CDH23: variants seen among roughly 807,000 people sequenced by gnomAD.
CDH23 encodes the protein cadherin related 23.
CDH23 carries 189 observed loss-of-function variants against 317.1 expected under a neutral mutation model. The ratio of observed to expected loss-of-function variants is 0.60; its 90% CI spans 0.53 to 0.67. The LOEUF (loss-of-function observed/expected upper bound fraction) is 0.67, where lower values mean the gene tolerates loss of function less well. CDH23 is among the 30% of genes least tolerant of loss of function. CDH23 has a pLI of 0.00. For synonymous variants in CDH23, 1,839 were observed against 1,876.8 expected, an observed-to-expected ratio of 0.98 and a Z score of 0.52; for missense variants, 4,401 against 4,592.4, an observed-to-expected ratio of 0.96 and a Z score of 1.20.
At chr10:71,808,397 T>C (rs1369008398) in intron 60 of CDH23, among the ~76,000 whole-genome samples, 1 of 152,110 alleles carries the variant, frequency 6.6e-6, no homozygotes, top group Non-Finnish European at 1.5e-5. Flanking sequence ...CCATCCTGCT[T>C]TCATTCATCT....
At chr10:71,502,675 G>A (rs895094790) in intron 3 of CDH23, among the ~76,000 whole-genome samples, 1 of 152,176 alleles carries the variant, frequency 6.6e-6, no homozygotes, top group Non-Finnish European at 1.5e-5. Context: ...GGGAGGTTGA[G>A]GATGCATTGG....
Position 71,511,277 on chromosome 10 carries a change from G to A in CDH23, c.429+65G>A, listed in dbSNP as rs781195840. 8 of 1,401,152 alleles carry A rather than the reference G, an allele frequency of 5.7e-6. No homozygotes were observed. In the Middle Eastern group the frequency reaches 5.3e-4, roughly 93 times the overall value. 86.8% of individuals were successfully genotyped at this position (1,401,152 alleles called of 1,614,324 possible). On this transcript the variant is annotated intron_variant, in intron 6 of 69. Transcript: ENST00000224721. ...CTGCTGCTCCCCAGACCACCATGGTGTAGGTGAAGAGTCAGGTGGGGAGAG... is the reference window on the plus strand; with the variant it reads ...CTGCTGCTCCCCAGACCACCATGGTATAGGTGAAGAGTCAGGTGGGGAGAG...
intron 6 of CDH23, among the ~76,000 whole-genome samples, chr10:71,553,766 G>A (rs1356686825): frequency 1.3e-5 from 2 of 152,222 alleles, no homozygotes; most frequent in Admixed American, 6.5e-5. Context: ...ATGAATTTGG[G>A]GGCTGGGAGA....
chr10:71,458,532 A>G lies in CDH23; in HGVS notation c.145+12137A>G, dbSNP rs76798461. Reference sequence around the variant, plus strand: ...CTAATGAAAGAGCTTTAGAAGTGAAATAGCTGTACAAATGGTGGACATTGT... The same window carrying G: ...CTAATGAAAGAGCTTTAGAAGTGAAGTAGCTGTACAAATGGTGGACATTGT... On this transcript the variant is annotated intron_variant, in intron 3 of 69. Transcript: ENST00000224721. Among the ~76,000 whole-genome samples the G allele has an allele frequency of 7.6e-3, 1,164 of 152,328 alleles. 7 individuals carry two copies. Among genetic ancestry groups the G allele is most frequent in the Non-Finnish European group, 0.012 (843 of 68,022 alleles).
At chr10:71,413,770 T>C (rs1008020805) in intron 1 of CDH23, among the ~76,000 whole-genome samples, 3 of 152,146 alleles carry the variant, frequency 2.0e-5, no homozygotes, top group African/African-American at 7.2e-5. Flanking sequence ...TGGGCTCAAG[T>C]TGATCCTCTT....
At chr10:71,569,164 G>A (rs973095290) in intron 7 of CDH23, among the ~76,000 whole-genome samples, 3 of 152,186 alleles carry the variant, frequency 2.0e-5, no homozygotes, top group East Asian at 1.9e-4. Flanking sequence ...GCTGCCTGCC[G>A]AGAACCTCTC....
chr10:71,558,619 T>A (rs1042016888), intron 6 of CDH23, among the ~76,000 whole-genome samples: 15 of 152,220 alleles, frequency 9.9e-5, no homozygotes, highest in African/African-American at 3.1e-4. Context: ...TGTTTAGTGA[T>A]CCTTAGTTGT....
At chr10:71,685,423 G>A (rs1420063406) in intron 18 of CDH23, among the ~76,000 whole-genome samples, 2 of 152,212 alleles carry the variant, frequency 1.3e-5, no homozygotes, top group South Asian at 2.1e-4. Context: ...CCCCCTAAAA[G>A]GGGCCGGAGC....
chr10:71,541,575 G>A (rs1487184731), intron 6 of CDH23, among the ~76,000 whole-genome samples: 1 of 152,252 alleles, frequency 6.6e-6, no homozygotes, highest in Non-Finnish European at 1.5e-5. Flanking sequence ...GTGCATGTGT[G>A]GCTAGAGAAC....
At chr10:71,668,937 T>A (rs971127817) in intron 14 of CDH23, among the ~76,000 whole-genome samples, 5 of 152,230 alleles carry the variant, frequency 3.3e-5, no homozygotes, top group African/African-American at 1.2e-4. Flanking sequence ...GCAGATGCGA[T>A]TATAAAGGCC....
At chr10:71,703,597 G>A (rs914158949) in intron 24 of CDH23, among the ~76,000 whole-genome samples, 10 of 152,250 alleles carry the variant, frequency 6.6e-5, no homozygotes, top group African/African-American at 2.4e-4. Flanking sequence ...CACAATGGCT[G>A]TATCAGGTTA....
rs1301199736 is a variant in CDH23 at position 71,609,225 on chromosome 10, G to A, written c.833-6279G>A. 4.6e-5 allele frequency among the ~76,000 whole-genome samples: 7 copies of A among 151,892 alleles called. No homozygotes were observed. In the East Asian group the frequency reaches 1.2e-3, roughly 25 times the overall value. On this transcript the variant is annotated intron_variant, in intron 9 of 69. Coordinates refer to ENST00000224721, the MANE Select transcript of CDH23 (RefSeq NM_022124.6). ...CCCTGCCCCACATGGCTCGAAGAGA[G>A]AGAACTGCCCCGCCCCAACATCAGA...
intron 3 of CDH23, among the ~76,000 whole-genome samples, chr10:71,470,824 G>A (rs962413094): frequency 2.0e-5 from 3 of 152,144 alleles, no homozygotes; most frequent in African/African-American, 7.2e-5. Flanking sequence ...TAATACTTAT[G>A]TGATAGTATC....
chr10:71,626,064 C>T (rs1457554541), intron 11 of CDH23, among the ~76,000 whole-genome samples: 1 of 152,242 alleles, frequency 6.6e-6, no homozygotes, highest in Non-Finnish European at 1.5e-5. Flanking sequence ...AGACTGACTG[C>T]TAAGTCTCCT....
chr10:71,578,660 C>A (rs1229124734), intron 9 of CDH23, among the ~76,000 whole-genome samples: 1 of 152,164 alleles, frequency 6.6e-6, no homozygotes, highest in Non-Finnish European at 1.5e-5. Flanking sequence ...GGTTTTAGAG[C>A]AAGGTTGCCT....
chr10:71,479,017 G>T (rs1389914142), intron 3 of CDH23, among the ~76,000 whole-genome samples: 1 of 152,152 alleles, frequency 6.6e-6, no homozygotes, highest in Non-Finnish European at 1.5e-5. Flanking sequence ...GCCATTTACC[G>T]AGTGTCCACT....
chr10:71,651,392 C>G (rs2121543), intron 14 of CDH23, among the ~76,000 whole-genome samples: 136,699 of 147,622 alleles, frequency 0.93, 63,367 homozygotes, highest in East Asian at 1. Flanking sequence ...AAAATGCCAG[C>G]TGTGGTGGCA....
intron 14 of CDH23, among the ~76,000 whole-genome samples, chr10:71,667,348 A>AGAGAGAGAG (rs1863945654): frequency 2.5e-5 from 3 of 122,304 alleles, no homozygotes; most frequent in Non-Finnish European, 5.2e-5. Flanking sequence ...GAGGCAGAGA[A>AGAGAGAGAG]AGAGAGAGAG....
rs550931640 is a variant in CDH23 at position 71,646,660 on chromosome 10, C to T, written c.1449+43C>T. The T allele has an allele frequency of 1.8e-5, 29 of 1,614,002 alleles. No individual in the cohort carries two copies. The Admixed American group carries it at 3.7e-4, about 20-fold the overall frequency. On this transcript the variant is annotated intron_variant, in intron 14 of 69. Transcript: ENST00000224721. ...TGCAGGGCCACTGAGCTCTCCAGGG[C>T]CGACTGTGGTGAGGCACCCAGAGGG...
Sources: gnomAD v4.1 joint callset for allele counts (sites outside exome capture counted in the v4.1 genomes callset) on GRCh38, gnomAD v4.1.1 for gene constraint, MANE v1.5 for transcripts, NCBI Gene and HGNC (gene_info 2026-07-23, HGNC 2026-07-21) for gene names.